The following TBC1D8 variants were observed in gnomAD, a reference collection of about 807,000 sequenced individuals.
TBC1D8 encodes the protein TBC1 domain family member 8.
In TBC1D8, 65 loss-of-function variants were observed where a neutral mutation model predicts 118.8. The observed-to-expected ratio is 0.55, with a 90% CI of 0.45 to 0.67. The LOEUF is 0.67. Ranked by LOEUF, TBC1D8 falls within the 30% of genes least tolerant of loss-of-function variation. The pLI is 0.00. For synonymous variants in TBC1D8, 566 were observed against 595.8 expected (o/e 0.95, Z 0.73); for missense variants, 1,376 against 1,471.2 (o/e 0.94, Z 1.06).
intron 1 of TBC1D8, among the ~76,000 whole-genome samples, chr2:101,137,602 CT>C (rs1355378108): frequency 1.3e-5 from 2 of 152,208 alleles, no homozygotes; most frequent in African/African-American, 4.8e-5. Flanking sequence ...GACTTTTAAT[CT>C]GTATAGTCCT....
At chr2:101,085,914 G>T (rs1474769332) in intron 2 of TBC1D8, among the ~76,000 whole-genome samples, 3 of 152,170 alleles carry the variant, frequency 2.0e-5, no homozygotes, top group Non-Finnish European at 4.4e-5. Context: ...GGCTGAGGCG[G>T]GTGGATCACG....
At chr2:101,120,818 T>A (rs1034765981) in intron 1 of TBC1D8, among the ~76,000 whole-genome samples, 1 of 152,102 alleles carries the variant, frequency 6.6e-6, no homozygotes, top group Non-Finnish European at 1.5e-5. Context: ...GCTAGGGACA[T>A]AAGGCCATTA....
intron 5 of TBC1D8, among the ~76,000 whole-genome samples, chr2:101,049,902 C>T (rs1470758929): frequency 1.3e-5 from 2 of 150,944 alleles, no homozygotes; most frequent in African/African-American, 4.9e-5. Flanking sequence ...TCTCAGCTCA[C>T]TGCAAGCTCC....
chr2:101,106,478 T>C (rs1030498238), intron 1 of TBC1D8, among the ~76,000 whole-genome samples: 1 of 152,132 alleles, frequency 6.6e-6, no homozygotes, highest in Admixed American at 6.5e-5. Context: ...GTGAGGGAAA[T>C]AGGGGACAGC....
Position 101,008,109 on chromosome 2 carries a change from C to CTT in TBC1D8, c.3179_3180insAA (p.Glu1061ArgfsTer45). The CTT allele has an allele frequency of 6.2e-7, 1 of 1,613,834 alleles. No homozygotes were observed. The highest frequency in any genetic ancestry group is 2.2e-5 in the East Asian group (1 of 44,866). On this transcript the variant is annotated frameshift_variant, in exon 20 of 20. Coordinates refer to ENST00000409318, the MANE Select transcript of TBC1D8 (RefSeq NM_001330348.2). LOFTEE classifies it low-confidence loss of function (END_TRUNC). ...AAGGAGCTGAAGCCCGCAGCTCCTC[C>CTT]CCACACTCCTGGGAGCAGCTTCCAG...
intron 3 of TBC1D8, among the ~76,000 whole-genome samples, chr2:101,056,041 C>CT (rs113118928): frequency 0.026 from 3,683 of 142,598 alleles, 154 homozygotes; most frequent in African/African-American, 0.086. Flanking sequence ...TAACATTTCT[C>CT]TTTTTTTTTT....
chr2:101,018,258 A>G (rs1558622865), intron 17 of TBC1D8: 1 of 214,000 alleles, frequency 4.7e-6, no homozygotes, highest in Non-Finnish European at 9.4e-6. Flanking sequence ...CCGAAGTTTA[A>G]TTTTTGCTTT....
intron 3 of TBC1D8, among the ~76,000 whole-genome samples, chr2:101,055,379 C>CAAA (rs554844344): frequency 7.5e-6 from 1 of 134,180 alleles, no homozygotes; most frequent in African/African-American, 2.8e-5. Flanking sequence ...ACAGAGTCCT[C>CAAA]AAAAAAAAAA....
chr2:101,038,792 G>A, intron 6 of TBC1D8, 137 bp from the exon 7 acceptor site: 1 of 975,816 alleles, frequency 1.0e-6, no homozygotes, highest in South Asian at 1.5e-5. Flanking sequence ...CGAGAAAGTG[G>A]CACTGCTCAC....
At chr2:101,129,657 G>C (rs1678501009) in intron 1 of TBC1D8, among the ~76,000 whole-genome samples, 1 of 151,910 alleles carries the variant, frequency 6.6e-6, no homozygotes, top group Non-Finnish European at 1.5e-5. Flanking sequence ...TGTAATCCCA[G>C]CACTTTGGGA....
At chr2:101,121,753 T>C (rs1349828952) in intron 1 of TBC1D8, among the ~76,000 whole-genome samples, 2 of 152,216 alleles carry the variant, frequency 1.3e-5, no homozygotes, top group Non-Finnish European at 2.9e-5. Context: ...ACAGGACTGA[T>C]ATACAGAGTT....
At chr2:101,090,176 G>A (rs1574013853) in intron 2 of TBC1D8, 33 bp downstream of exon 2, 2 of 1,594,208 alleles carry the variant, frequency 1.3e-6, no homozygotes, top group Non-Finnish European at 1.7e-6. Flanking sequence ...TACACCTTAA[G>A]GTTTGGAACA....
intron 2 of TBC1D8, among the ~76,000 whole-genome samples, chr2:101,080,846 G>A (rs981568541): frequency 1.3e-5 from 2 of 151,662 alleles, no homozygotes; most frequent in South Asian, 4.2e-4. Context: ...ACAGTAGCAC[G>A]ATCCCAGTTC....
Position 101,109,587 on chromosome 2 carries a change from G to A in TBC1D8, c.128-19223C>T, listed in dbSNP as rs558174476. On this transcript the variant is annotated intron_variant, in intron 1 of 19. Transcript: ENST00000409318. The stretch of plus-strand genomic sequence containing the variant: ...AGATAACTCACAAGGAGGCCTTTGG[G>A]CAATACTTATGAGCAGGGTCATAAA... 2.0e-5 allele frequency among the ~76,000 whole-genome samples: 3 copies of A among 152,210 alleles called. No homozygotes were observed. The South Asian group carries it at 6.2e-4, about 32-fold the overall frequency.
intron 2 of TBC1D8, among the ~76,000 whole-genome samples, chr2:101,064,516 T>C (rs1682920530): frequency 6.6e-6 from 1 of 152,208 alleles, no homozygotes; most frequent in African/African-American, 2.4e-5. Context: ...TGGACCATCA[T>C]GGAAGTACAA....
intron 1 of TBC1D8, among the ~76,000 whole-genome samples, chr2:101,124,900 A>C (rs1375497709): frequency 6.6e-6 from 1 of 152,234 alleles, no homozygotes; most frequent in African/African-American, 2.4e-5. Context: ...ACAGAAGGCC[A>C]AGTACCCACC....
intron 1 of TBC1D8, among the ~76,000 whole-genome samples, chr2:101,130,354 G>C (rs1313335858): frequency 6.6e-6 from 1 of 152,206 alleles, no homozygotes; most frequent in Non-Finnish European, 1.5e-5. Flanking sequence ...GCCCACTGCA[G>C]GGTCGCAGAG....
chr2:101,033,957 A>G (rs1192784371), intron 9 of TBC1D8, among the ~76,000 whole-genome samples, 199 bp from the exon 10 acceptor site: 1 of 152,142 alleles, frequency 6.6e-6, no homozygotes, highest in Non-Finnish European at 1.5e-5. Context: ...TGAGGTCAGG[A>G]GTTCGAGACC....
At chr2:101,029,441 C>T in intron 12 of TBC1D8, 50 bp downstream of exon 12, 1 of 1,580,158 alleles carries the variant, frequency 6.3e-7, no homozygotes, top group African/African-American at 1.3e-5. Flanking sequence ...TGGGCACGTG[C>T]TGCTGCCTCC....
Sources: allele counts gnomAD v4.1 joint callset (sites outside exome capture counted in the v4.1 genomes callset), GRCh38; gene constraint gnomAD v4.1.1; transcripts MANE v1.5; gene names NCBI Gene and HGNC (gene_info 2026-07-23, HGNC 2026-07-21).